TBP: variants seen among roughly 807,000 people sequenced by gnomAD.
TBP encodes TATA-box binding protein, also known as TATA-box-binding protein.
TBP carries 12 observed loss-of-function variants against 46.2 expected under a neutral mutation model. The observed-to-expected ratio is 0.26, with a 90% confidence interval of 0.17 to 0.42. The LOEUF (loss-of-function observed/expected upper bound fraction) is 0.42. Among genes scored for constraint, TBP ranks in the 10% least tolerant of loss-of-function variants. TBP has a pLI of 1.00. For synonymous variants in TBP, 157 were observed against 148.3 expected, an observed-to-expected ratio of 1.06 and a Z score of -0.42; for missense variants, 229 against 403.1, an observed-to-expected ratio of 0.57 and a Z score of 3.70.
chr6:170,568,059 A>G (rs550478786), intron 5 of TBP, among the ~76,000 whole-genome samples: 1 of 152,352 alleles, frequency 6.6e-6, no homozygotes, highest in African/African-American at 2.4e-5. Flanking sequence ...TGGGAATGCC[A>G]TTGGTGTGGA....
intron 3 of TBP, among the ~76,000 whole-genome samples, chr6:170,563,713 G>A (rs187456918): frequency 2.6e-5 from 4 of 152,312 alleles, no homozygotes; most frequent in Non-Finnish European, 5.9e-5. Flanking sequence ...TTTGAAATCT[G>A]GACTCGATAT....
At chr6:170,563,207 G>A (rs1399774017) in intron 3 of TBP, among the ~76,000 whole-genome samples, 2 of 152,108 alleles carry the variant, frequency 1.3e-5, no homozygotes, top group East Asian at 3.9e-4. Flanking sequence ...ATGCTTGTCT[G>A]ACTCCCAGGA....
rs1491487452 is a variant in TBP at position 170,561,963 on chromosome 6, AGC to A, written c.228_229del (p.Gln77AlafsTer100). ...CAGCAGCAGCAGCAACAGCAACAGCAGCAGCAGCAGCAGCAGCAGCAGCAGCA... is the reference window on the plus strand; with the variant it reads ...CAGCAGCAGCAGCAACAGCAACAGCAAGCAGCAGCAGCAGCAGCAGCAGCA... On this transcript the variant is annotated frameshift_variant, in exon 3 of 8. Transcript: ENST00000392092. LOFTEE classifies it high-confidence loss of function. 195,772 of 661,170 alleles carry A rather than the reference AGC, an allele frequency of 0.3. 36,712 individuals carry two copies. Among genetic ancestry groups the A allele is most frequent in the East Asian group, 0.68 (22,927 of 33,948 alleles). The allele number at this position is 661,170 out of a possible 1,614,324, so 41.0% of individuals were successfully genotyped here. A position where few individuals can be genotyped will look rare whatever the true frequency, so the allele number is the denominator to read the frequency against.
intron 5 of TBP, 35 bp downstream of exon 5, chr6:170,567,044 G>A (rs756061944): frequency 5.1e-6 from 8 of 1,567,330 alleles, no homozygotes; most frequent in Admixed American, 1.7e-5. Flanking sequence ...TGGTCTATGG[G>A]TTATGAATGA....
chr6:170,564,674 G>A, intron 4 of TBP, 42 bp downstream of exon 4: 1 of 1,340,866 alleles, frequency 7.5e-7, no homozygotes, highest in East Asian at 2.5e-5. Context: ...TTTCTTTTTT[G>A]TCTCCTCTGC....
At chr6:170,571,678 G>A (rs1779368562) in intron 7 of TBP, among the ~76,000 whole-genome samples, 174 bp downstream of exon 7, 1 of 152,182 alleles carries the variant, frequency 6.6e-6, no homozygotes, top group South Asian at 2.1e-4. Flanking sequence ...TGAGAGCAGG[G>A]AAGTCTGACC....
intron 1 of TBP, among the ~76,000 whole-genome samples, chr6:170,556,593 T>A (rs1779033559): frequency 6.6e-6 from 1 of 152,262 alleles, no homozygotes; most frequent in Non-Finnish European, 1.5e-5. Flanking sequence ...TTTCTCTAGG[T>A]GTTTTTCCTC....
intron 6 of TBP, 125 bp downstream of exon 6, chr6:170,569,904 G>A (rs546952577): frequency 2.2e-6 from 2 of 891,546 alleles, no homozygotes; most frequent in East Asian, 5.6e-5. Context: ...ATAGTTGTAT[G>A]TATTCTTGCA....
intron 2 of TBP, among the ~76,000 whole-genome samples, chr6:170,557,735 CAAAAA>C (rs35269766): frequency 0.016 from 840 of 51,868 alleles, 4 homozygotes; most frequent in South Asian, 0.051. Context: ...GACTCTGTCT[CAAAAA>C]AAAAAAAAAA....
Position 170,561,817 on chromosome 6 carries a change from C to T in TBP, c.81C>T (p.Ile27=). The T allele has an allele frequency of 6.2e-7, 1 of 1,611,878 alleles. No homozygotes were observed. Among genetic ancestry groups the T allele is most frequent in the Non-Finnish European group, 8.5e-7 (1 of 1,178,054 alleles). Residue 27 remains isoleucine (I), a synonymous_variant, in exon 3 of 8, where the codon ATC becomes ATT. Coordinates refer to ENST00000392092, the MANE Select transcript of TBP (RefSeq NM_003194.5). ...GTGCCATGACTCCCGGAATCCCTAT[C>T]TTTAGTCCAATGATGCCTTATGGCA... ...PQGAMTPGIP[I]FSPMMPYGTG...
chr6:170,561,952 A>AACAG lies in TBP; in HGVS notation c.216_217insACAG (p.Gln73ThrfsTer106), dbSNP rs1562359486. 98 of 210,700 alleles carry AACAG rather than the reference A, an allele frequency of 4.7e-4. No homozygotes were observed. Among genetic ancestry groups the AACAG allele is most frequent in the South Asian group, 3.5e-3 (31 of 8,830 alleles). The allele number at this position is 210,700 out of a possible 1,614,324, so 13.1% of individuals were successfully genotyped here. A position where few individuals can be genotyped will look rare whatever the true frequency, so the allele number is the denominator to read the frequency against. On this transcript the variant is annotated frameshift_variant, in exon 3 of 8. Coordinates refer to ENST00000392092, the MANE Select transcript of TBP (RefSeq NM_003194.5). LOFTEE classifies it high-confidence loss of function. ...AGCAGCAGCAGCAGCAGCAGCAGCA[A>AACAG]CAGCAACAGCAGCAGCAGCAGCAGC...
At chr6:170,557,172 C>A in intron 2 of TBP, 89 bp downstream of exon 2, 1 of 1,284,622 alleles carries the variant, frequency 7.8e-7, no homozygotes, top group Non-Finnish European at 1.1e-6. Flanking sequence ...ATTTAATGAT[C>A]TGTTTTTGAA....
chr6:170,566,230 T>C (rs1779244433), intron 4 of TBP, among the ~76,000 whole-genome samples: 1 of 152,254 alleles, frequency 6.6e-6, no homozygotes, highest in Non-Finnish European at 1.5e-5. Context: ...CTTTTTATCA[T>C]GTACCTAATA....
intron 4 of TBP, 60 bp downstream of exon 4, chr6:170,564,692 C>T: frequency 3.4e-6 from 4 of 1,188,252 alleles, no homozygotes; most frequent in Non-Finnish European, 4.8e-6. Context: ...TGCCGTGTCT[C>T]TATATTTTAA....
chr6:170,566,561 C>T (rs1779251788), intron 4 of TBP, among the ~76,000 whole-genome samples: 3 of 151,148 alleles, frequency 2.0e-5, no homozygotes, highest in Admixed American at 6.6e-5. Context: ...ATCAGAGAAG[C>T]TATAGTCATG....
intron 7 of TBP, among the ~76,000 whole-genome samples, chr6:170,571,899 G>A (rs1187768537): frequency 1.3e-5 from 2 of 151,680 alleles, no homozygotes; most frequent in African/African-American, 4.8e-5. Context: ...CGTCCTGCTT[G>A]GTTTATGGCC....
intron 2 of TBP, among the ~76,000 whole-genome samples, chr6:170,558,724 C>A (rs991162430): frequency 7.5e-5 from 10 of 134,184 alleles, no homozygotes; most frequent in African/African-American, 2.0e-4. Context: ...TTTTTTCAGT[C>A]ACTCTGTTGC....
chr6:170,565,355 A>G (rs960278518), intron 4 of TBP, among the ~76,000 whole-genome samples: 11 of 152,238 alleles, frequency 7.2e-5, no homozygotes, highest in Admixed American at 6.5e-5. Context: ...AGAATTTTGT[A>G]TATGTATAGG....
Position 170,562,244 on chromosome 6 carries a change from C to T in TBP, c.497+11C>T, listed in dbSNP as rs1018695886. 3.7e-6 allele frequency: 6 copies of T among 1,608,736 alleles called. No homozygotes were observed. Among genetic ancestry groups the T allele is most frequent in the African/African-American group, 2.7e-5 (2 of 74,842 alleles). On this transcript the variant is annotated intron_variant, in intron 3 of 7. Coordinates refer to ENST00000392092, the MANE Select transcript of TBP (RefSeq NM_003194.5). The stretch of plus-strand genomic sequence containing the variant: ...TGTACCGCAGCTGCAGTGAGTACTT[C>T]GTGTTTTATGTTTCCTCCCACTTAG...
Sources: gnomAD v4.1 joint callset for allele counts (sites outside exome capture counted in the v4.1 genomes callset) on GRCh38, gnomAD v4.1.1 for gene constraint, MANE v1.5 for transcripts, NCBI Gene and HGNC (gene_info 2026-07-23, HGNC 2026-07-21) for gene names.